The following NUBPL variants were observed in gnomAD, a reference collection of about 807,000 sequenced individuals.
NUBPL encodes the protein NUBP iron-sulfur cluster assembly factor, mitochondrial.
In NUBPL, 31 loss-of-function variants were observed where a neutral mutation model predicts 45.7. That is an observed-to-expected ratio of 0.68 (90% CI 0.51 to 0.92). The LOEUF is 0.92. Among genes scored for constraint, NUBPL ranks in the 40% least tolerant of loss-of-function variants. The pLI, the probability that NUBPL is intolerant of heterozygous loss-of-function variation, is 0.00. For missense variants in NUBPL, 401 were observed against 398.7 expected, an observed-to-expected ratio of 1.01 and a Z score of -0.05; for synonymous variants, 144 against 140.9, an observed-to-expected ratio of 1.02 and a Z score of -0.15.
intron 8 of NUBPL, among the ~76,000 whole-genome samples, chr14:31,834,326 T>G (rs902750654): frequency 3.3e-5 from 5 of 151,750 alleles, no homozygotes; most frequent in Admixed American, 6.6e-5. Flanking sequence ...GACTACAGGC[T>G]CCTGCCACCA....
At chr14:31,702,444 G>T (rs1717307196) in intron 6 of NUBPL, among the ~76,000 whole-genome samples, 1 of 152,190 alleles carries the variant, frequency 6.6e-6, no homozygotes, top group Admixed American at 6.5e-5. Flanking sequence ...CAAGGCCCAT[G>T]AGCAGAGACC....
chr14:31,694,100 C>T (rs541426793), intron 6 of NUBPL, among the ~76,000 whole-genome samples: 101 of 152,152 alleles, frequency 6.6e-4, no homozygotes, highest in Middle Eastern at 3.4e-3. Flanking sequence ...CGTGATCTGC[C>T]CACCTCGGCC....
At chr14:31,727,246 C>A (rs530842600) in intron 6 of NUBPL, among the ~76,000 whole-genome samples, 1 of 152,118 alleles carries the variant, frequency 6.6e-6, no homozygotes, top group African/African-American at 2.4e-5. Context: ...AATGCTCTTA[C>A]GTATTTCTAA....
chr14:31,712,544 C>T (rs1434222839), intron 6 of NUBPL, among the ~76,000 whole-genome samples: 2 of 152,224 alleles, frequency 1.3e-5, no homozygotes, highest in Non-Finnish European at 2.9e-5. Context: ...GCAGAGGGAG[C>T]CAGCTCCGGC....
intron 6 of NUBPL, among the ~76,000 whole-genome samples, chr14:31,763,921 G>T (rs1435463813): frequency 1.3e-5 from 2 of 152,162 alleles, no homozygotes; most frequent in East Asian, 1.9e-4. Context: ...TGACAGTCAT[G>T]ATATTTGAAA....
intron 3 of NUBPL, among the ~76,000 whole-genome samples, chr14:31,568,373 CTTAT>C (rs1355590768): frequency 6.6e-6 from 1 of 152,188 alleles, no homozygotes; most frequent in African/African-American, 2.4e-5. Flanking sequence ...GCTGCCAGCA[CTTAT>C]TTAACTTTAC....
chr14:31,720,197 T>C (rs1424299725), intron 6 of NUBPL, among the ~76,000 whole-genome samples: 2 of 152,186 alleles, frequency 1.3e-5, no homozygotes, highest in African/African-American at 4.8e-5. Flanking sequence ...AAATCACTCT[T>C]AAATTTGTTC....
chr14:31,672,503 A>G (rs12882232), intron 4 of NUBPL, among the ~76,000 whole-genome samples: 15,496 of 152,144 alleles, frequency 0.1, 1,068 homozygotes, highest in Non-Finnish European at 0.16. Context: ...TTGTTCTGTC[A>G]CCCAGCTGGA....
intron 7 of NUBPL, among the ~76,000 whole-genome samples, chr14:31,823,795 G>C (rs1191748087): frequency 1.3e-5 from 2 of 151,990 alleles, no homozygotes; most frequent in Non-Finnish European, 2.9e-5. Flanking sequence ...CTTTCCAAAT[G>C]ACTGGATATG....
intron 6 of NUBPL, among the ~76,000 whole-genome samples, chr14:31,722,490 G>A (rs905648223): frequency 1.3e-5 from 2 of 152,138 alleles, no homozygotes; most frequent in Non-Finnish European, 2.9e-5. Context: ...TGGTGCTTCT[G>A]TGTTTAGTTC....
chr14:31,773,053 T>A (rs1158988404), intron 6 of NUBPL, among the ~76,000 whole-genome samples: 1 of 152,198 alleles, frequency 6.6e-6, no homozygotes, highest in Non-Finnish European at 1.5e-5. Flanking sequence ...GTTTATTGTA[T>A]ATTGTATCAT....
At chr14:31,670,391 G>T (rs1330067715) in intron 4 of NUBPL, among the ~76,000 whole-genome samples, 2 of 151,984 alleles carry the variant, frequency 1.3e-5, no homozygotes, top group Admixed American at 6.6e-5. Context: ...CAGATGTATG[G>T]TTTACACATA....
intron 3 of NUBPL, among the ~76,000 whole-genome samples, chr14:31,566,517 T>G (rs759050111): frequency 6.6e-6 from 1 of 152,068 alleles, no homozygotes; most frequent in Admixed American, 6.6e-5. Flanking sequence ...TCCCATCTTA[T>G]CCTCTTTCTT....
chr14:31,837,036 T>A (rs2040292709), intron 8 of NUBPL, among the ~76,000 whole-genome samples: 1 of 152,214 alleles, frequency 6.6e-6, no homozygotes, highest in South Asian at 2.1e-4. Flanking sequence ...TTAAAGTGTT[T>A]TATTTATGTT....
chr14:31,808,675 G>C (rs369355413), intron 7 of NUBPL, among the ~76,000 whole-genome samples: 2 of 152,250 alleles, frequency 1.3e-5, no homozygotes, highest in South Asian at 2.1e-4. Context: ...TGGCGAGAGA[G>C]GGTATCCCTG....
At chr14:31,848,702 A>G (rs369073127) in intron 9 of NUBPL, among the ~76,000 whole-genome samples, 1 of 152,124 alleles carries the variant, frequency 6.6e-6, no homozygotes, top group Non-Finnish European at 1.5e-5. Flanking sequence ...GCCCATTACC[A>G]TTCTTACTAC....
chr14:31,767,121 C>T (rs563819950), intron 6 of NUBPL, among the ~76,000 whole-genome samples: 5 of 152,108 alleles, frequency 3.3e-5, no homozygotes, highest in Non-Finnish European at 7.4e-5. Context: ...GATCATAGAG[C>T]TCTTTTTAAA....
chr14:31,743,052 T>G (rs1466415345), intron 6 of NUBPL, among the ~76,000 whole-genome samples: 1 of 152,220 alleles, frequency 6.6e-6, no homozygotes, highest in East Asian at 1.9e-4. Flanking sequence ...ATCTTTTAGC[T>G]TTCTTACTAC....
intron 4 of NUBPL, among the ~76,000 whole-genome samples, chr14:31,657,645 A>G (rs1251905382): frequency 6.6e-6 from 1 of 152,178 alleles, no homozygotes; most frequent in African/African-American, 2.4e-5. Context: ...ATGAACAGGC[A>G]TTTTGGTCAC....
Sources: gnomAD v4.1 joint callset for allele counts (sites outside exome capture counted in the v4.1 genomes callset) on GRCh38, gnomAD v4.1.1 for gene constraint, MANE v1.5 for transcripts, NCBI Gene and HGNC (gene_info 2026-07-23, HGNC 2026-07-21) for gene names.